Variants in FLNB observed in about 807,000 individuals in gnomAD.
The protein encoded by FLNB is filamin-B.
Under a neutral mutation model 250.6 loss-of-function variants are expected in FLNB, and 111 were observed. That is an observed-to-expected ratio of 0.44 (90% CI 0.38 to 0.52). The LOEUF is 0.52. FLNB is among the 20% of genes least tolerant of loss of function. The probability of loss-of-function intolerance (pLI) is 0.00; values close to 1 mark genes in which losing one functional copy is unlikely to be tolerated. For missense variants in FLNB, 2,869 were observed against 3,447.8 expected (o/e 0.83, Z 4.20); for synonymous variants, 1,302 against 1,372.1 (o/e 0.95, Z 1.13).
intron 41 of FLNB, among the ~76,000 whole-genome samples, chr3:58,156,713 T>C (rs1171839015): frequency 6.6e-6 from 1 of 152,202 alleles, no homozygotes; most frequent in East Asian, 1.9e-4. Context: ...GTTGTTGTTG[T>C]TGAGGCAGAG....
intron 1 of FLNB, among the ~76,000 whole-genome samples, chr3:58,017,980 C>T (rs1004914943): frequency 6.6e-6 from 1 of 152,124 alleles, no homozygotes; most frequent in Non-Finnish European, 1.5e-5. Context: ...GCAAGGAGGA[C>T]CCTTGTCCTC....
Position 58,110,052 on chromosome 3 carries a change from G to A in FLNB, c.2366G>A (p.Ser789Asn), listed in dbSNP as rs1692298456. 6.2e-7 allele frequency: 1 copy of A among 1,614,196 alleles called. No homozygotes were observed. Among genetic ancestry groups the A allele is most frequent in the Non-Finnish European group, 8.5e-7 (1 of 1,180,036 alleles). The change falls in exon 16 of 46, where the codon AGT becomes AAT. Residue 789 changes from serine to asparagine, a missense_variant. By Grantham distance (46) the Ser-to-Asn change is conservative. Around this residue, in one of 5 missense-constraint regions of FLNB, gnomAD observed 1,348 missense variants for 1,466.7 expected, o/e 0.92. Transcript: ENST00000295956. ...ATTAAGTGTGATGCCCGGGTGTTAA[G>A]TGAAGATGAGGAAGACGTGGATTTT... ...VGIKCDARVL[S>N]EDEEDVDFDI...
intron 42 of FLNB, chr3:58,162,689 A>T (rs556456558): frequency 1.1e-4 from 23 of 212,638 alleles, no homozygotes; most frequent in Non-Finnish European, 2.1e-4. Flanking sequence ...AAAGAGTAGT[A>T]ACCTGGAGTT....
At position 58,168,633 on chromosome 3, in the gene FLNB, C is replaced by G. The variant is rs752881019; in HGVS notation, c.7392C>G (p.Gly2464=). Residue 2464 remains glycine, a synonymous_variant, in exon 44 of 46, where the codon GGC becomes GGG. Coordinates refer to ENST00000295956, the MANE Select transcript of FLNB (RefSeq NM_001457.4). ...VKYGGPNHIV[G]SPFKAKVTGQ... ...ACGGTGGGCCCAACCACATCGTGGGCAGTCCCTTCAAGGCCAAGGTGACAG... is the reference window on the plus strand; with the variant it reads ...ACGGTGGGCCCAACCACATCGTGGGGAGTCCCTTCAAGGCCAAGGTGACAG... 1.5e-5 allele frequency: 24 copies of G among 1,613,740 alleles called. No individual in the cohort carries two copies.
Position 58,132,874 on chromosome 3 carries a change from C to T in FLNB, c.4457C>T (p.Ser1486Phe). The change falls in exon 26 of 46, where the codon TCT becomes TTT. Residue 1486 changes from serine (S) to phenylalanine (F), a missense_variant. This residue lies in a region of FLNB where 126 missense variants were observed against 182.0 expected (regional missense o/e 0.69). Coordinates refer to ENST00000295956, the MANE Select transcript of FLNB (RefSeq NM_001457.4). ...ACACACACAGTAACCTACACCCCAT[C>T]TCAGGAGGGACCTTACATGGTCTCA... ...DGTHTVTYTPSQEGPYMVSVK... is the reference protein window; with the variant it reads ...DGTHTVTYTPFQEGPYMVSVK... 2 of 1,614,140 alleles carry T rather than the reference C, an allele frequency of 1.2e-6. No individual in the cohort carries two copies. Among genetic ancestry groups the T allele is most frequent in the East Asian group, 2.2e-5 (1 of 44,884 alleles).
chr3:58,104,821 G>A (rs2097257010), intron 10 of FLNB, among the ~76,000 whole-genome samples: 1 of 152,162 alleles, frequency 6.6e-6, no homozygotes, highest in Non-Finnish European at 1.5e-5. Flanking sequence ...GGGCCAGGAG[G>A]CTGGTGCAAA....
In FLNB at chr3:58,163,328, C is replaced by T. The variant is rs774787668; in HGVS notation, c.7196C>T (p.Thr2399Ile). ...GGCACGGGACTCGAAGGGGGCACCACAGGTAACCCACTCTTCTGCTTCTTG... is the reference window on the plus strand; with the variant it reads ...GGCACGGGACTCGAAGGGGGCACCATAGGTAACCCACTCTTCTGCTTCTTG... ...AYGTGLEGGT[T>I]GIQSEFFINT... The change falls in exon 43 of 46, where the codon ACA becomes ATA. Residue 2399 changes from threonine to isoleucine, a missense_variant and splice_region_variant. Thr to Ile is a moderately conservative substitution (Grantham distance 89, BLOSUM62 -1). Around this residue, in one of 5 missense-constraint regions of FLNB, gnomAD observed 1,084 missense variants for 1,315.5 expected, o/e 0.82. Transcript: ENST00000295956. 6.2e-7 allele frequency: 1 copy of T among 1,614,070 alleles called. No individual in the cohort carries two copies. Among genetic ancestry groups the T allele is most frequent in the Non-Finnish European group, 8.5e-7 (1 of 1,179,980 alleles).
At position 58,148,815 on chromosome 3, in the gene FLNB, C is replaced by T. The variant is rs199857882; in HGVS notation, c.6054C>T (p.Phe2018=). 1.2e-5 allele frequency: 20 copies of T among 1,613,824 alleles called. No homozygotes were observed. In the Admixed American group the frequency reaches 1.5e-4, roughly 12 times the overall value. Residue 2018 remains phenylalanine (F), a synonymous_variant, in exon 36 of 46, where the codon TTC becomes TTT. Coordinates refer to ENST00000295956, the MANE Select transcript of FLNB (RefSeq NM_001457.4). ...GCGGCCTGTCAGAAGGCCGGACTTT[C>T]GAGATGTCTGACTTCATCGTGGACA... is the stretch of plus-strand genomic sequence containing the variant. ...YGRGLSEGRT[F]EMSDFIVDTR...
chr3:58,076,989 C>T, intron 1 of FLNB, 57 bp from the exon 2 acceptor site: 1 of 1,591,442 alleles, frequency 6.3e-7, no homozygotes, highest in East Asian at 2.2e-5. Flanking sequence ...ATATAAGGAG[C>T]ATAATTTACA....
chr3:58,094,738 G>C, intron 4 of FLNB, 98 bp from the exon 5 acceptor site: 1 of 992,012 alleles, frequency 1.0e-6, no homozygotes, highest in Admixed American at 1.7e-5. Flanking sequence ...CTGCAGGGCT[G>C]GGTCCCATCT....
At chr3:58,129,431 C>T (rs923386000) in intron 24 of FLNB, among the ~76,000 whole-genome samples, 5 of 152,178 alleles carry the variant, frequency 3.3e-5, no homozygotes, top group African/African-American at 7.2e-5. Context: ...AGTGGAGGCT[C>T]TGACTTAAAG....
chr3:58,101,875 G>T (rs552588059), intron 8 of FLNB, among the ~76,000 whole-genome samples: 7 of 152,362 alleles, frequency 4.6e-5, no homozygotes, highest in Non-Finnish European at 7.3e-5. Context: ...TTTGAATAAT[G>T]TCCAGCACTC....
Position 58,143,515 on chromosome 3 carries a change from T to C in FLNB, c.5327T>C (p.Ile1776Thr), listed in dbSNP as rs1343990349. 4.5e-5 allele frequency: 72 copies of C among 1,613,938 alleles called. No homozygotes were observed. The highest frequency in any genetic ancestry group is 5.6e-5 in the Non-Finnish European group (66 of 1,179,998). Residue 1776 changes from isoleucine to threonine, a missense_variant, in exon 32 of 46, where the codon ATT becomes ACT. Coordinates refer to ENST00000295956, the MANE Select transcript of FLNB (RefSeq NM_001457.4). ...TCTGGGAAGACAGCCACACCTGAGA[T>C]TGTGGACAACAAGGACGGCACGGTC... ...MPSGKTATPE[I>T]VDNKDGTVTV...
chr3:58,156,049 C>T lies in FLNB; in HGVS notation c.6862C>T (p.Arg2288Cys), dbSNP rs765247131. Residue 2288 changes from arginine (R) to cysteine (C), a missense_variant, in exon 41 of 46, where the codon CGC becomes TGC. Coordinates refer to ENST00000295956, the MANE Select transcript of FLNB (RefSeq NM_001457.4). ...GGTCATCGCACCCTCCGACGACGCC[C>T]GCCGCCTCACTGTTATGAGCCTTCA... ...VPVIAPSDDARRLTVMSLQES... is the reference protein window; with the variant it reads ...VPVIAPSDDACRLTVMSLQES... 9.3e-6 allele frequency: 15 copies of T among 1,613,930 alleles called. No individual in the cohort carries two copies. The highest frequency in any genetic ancestry group is 4.0e-5 in the African/African-American group (3 of 74,926).
Position 58,169,403 on chromosome 3 carries a change from T to G in FLNB, c.7418-187T>G. 1 of 624,596 alleles carries G rather than the reference T, an allele frequency of 1.6e-6. No individual in the cohort carries two copies. Among genetic ancestry groups the G allele is most frequent in the Non-Finnish European group, 2.9e-6 (1 of 341,468 alleles). 38.7% of individuals were successfully genotyped at this position (624,596 alleles called of 1,614,324 possible). A position where few individuals can be genotyped will look rare whatever the true frequency, so the allele number is the denominator to read the frequency against. ...ATTTGCCCAGAAAGCCAGATCCTAG[T>G]TGTATGGGGGTGGGATCCTAGGGGT... On this transcript the variant is annotated intron_variant, in intron 44 of 45. Transcript: ENST00000295956. The surrounding 1 kb of genome is among the most constrained non-coding windows in gnomAD (Gnocchi z 4.8).
intron 32 of FLNB, 39 bp from the exon 33 acceptor site, chr3:58,145,882 A>G (rs774287088): frequency 6.2e-7 from 1 of 1,613,768 alleles, no homozygotes; most frequent in African/African-American, 1.3e-5. Flanking sequence ...TTCACCCCTT[A>G]ATGAGCACCA....
At chr3:58,134,900 A>G (rs2107220949) in intron 27 of FLNB, 128 bp downstream of exon 27, 2 of 879,388 alleles carry the variant, frequency 2.3e-6, no homozygotes, top group East Asian at 4.9e-5. Flanking sequence ...TTTTCCCACC[A>G]AAGAGTCAGT....
Position 58,112,277 on chromosome 3 carries a change from T to C in FLNB, c.2704T>C (p.Tyr902His), listed in dbSNP as rs966216026. 3.7e-6 allele frequency: 6 copies of C among 1,613,982 alleles called. No individual in the cohort carries two copies. Among genetic ancestry groups the C allele is most frequent in the Non-Finnish European group, 5.1e-6 (6 of 1,180,022 alleles). The change falls in exon 18 of 46, where the codon TAT becomes CAT. Residue 902 changes from tyrosine to histidine, a missense_variant. This residue lies in a region of FLNB where 1,348 missense variants were observed against 1,466.7 expected (regional missense o/e 0.92). Transcript: ENST00000295956. ...AVKDLDIIDNYDYSHTVKYTP... is the reference protein window; with the variant it reads ...AVKDLDIIDNHDYSHTVKYTP... ...GAAGGATTTGGATATCATCGATAATTATGACTACTCTCACACGGTTAAATA... is the reference window on the plus strand; with the variant it reads ...GAAGGATTTGGATATCATCGATAATCATGACTACTCTCACACGGTTAAATA...
intron 1 of FLNB, among the ~76,000 whole-genome samples, chr3:58,034,516 A>T (rs1018379268): frequency 1.3e-5 from 2 of 151,862 alleles, no homozygotes; most frequent in African/African-American, 4.8e-5. Context: ...CAAGTATCGC[A>T]CTTCATTCTA....
Sources: gnomAD v4.1 joint callset for allele counts (sites outside exome capture counted in the v4.1 genomes callset) on GRCh38, gnomAD v4.1.1 for gene constraint, gnomAD v4.1.1 regional missense constraint, Gnocchi (gnomAD v3.1) non-coding constraint, MANE v1.5 for transcripts, NCBI Gene and HGNC (gene_info 2026-07-23, HGNC 2026-07-21) for gene names.